The following BTBD16 variants were observed in gnomAD, a reference collection of about 807,000 sequenced individuals.
BTBD16 encodes BTB domain containing 16.
In BTBD16, 66 loss-of-function variants were observed where a neutral mutation model predicts 67.4. That is an observed-to-expected ratio of 0.98 (90% CI 0.80 to 1.20). The LOEUF is 1.20. Among genes scored for constraint, BTBD16 ranks in the 50% most tolerant of loss-of-function variants. BTBD16 has a pLI of 0.00. For synonymous variants in BTBD16, 242 were observed against 236.4 expected, an observed-to-expected ratio of 1.02 and a Z score of -0.22; for missense variants, 634 against 616.0, an observed-to-expected ratio of 1.03 and a Z score of -0.31.
intron 14 of BTBD16, among the ~76,000 whole-genome samples, chr10:122,336,100 C>A (rs2096462863): frequency 6.6e-6 from 1 of 152,168 alleles, no homozygotes; most frequent in African/African-American, 2.4e-5. Flanking sequence ...TTCCATGGGC[C>A]TCAGCTCTTG....
chr10:122,291,289 G>A, intron 7 of BTBD16, 95 bp downstream of exon 7: 1 of 1,453,450 alleles, frequency 6.9e-7, no homozygotes, highest in African/African-American at 1.4e-5. Flanking sequence ...CTCTTCATTG[G>A]GCTAAGACAC....
At chr10:122,280,348 G>A (rs1013461523) in intron 3 of BTBD16, among the ~76,000 whole-genome samples, 7 of 152,156 alleles carry the variant, frequency 4.6e-5, no homozygotes, top group African/African-American at 1.7e-4. Context: ...TCCAGCACGG[G>A]AGGTGTGTCT....
chr10:122,315,711 T>C (rs1324497209), intron 10 of BTBD16, among the ~76,000 whole-genome samples: 1 of 152,192 alleles, frequency 6.6e-6, no homozygotes, highest in East Asian at 1.9e-4. Context: ...TATGGGTCTT[T>C]TTGTGTCAAT....
chr10:122,322,924 A>G (rs1287226726), intron 10 of BTBD16, among the ~76,000 whole-genome samples: 1 of 152,120 alleles, frequency 6.6e-6, no homozygotes, highest in African/African-American at 2.4e-5. Context: ...AAATAAAATA[A>G]TTATTGGGAT....
At chr10:122,286,075 T>G (rs747855549) in intron 4 of BTBD16, 30 bp from the exon 5 acceptor site, 22 of 1,600,726 alleles carry the variant, frequency 1.4e-5, no homozygotes, top group Non-Finnish European at 1.8e-5. Context: ...GTTACTGATG[T>G]GTTTGCTCAG....
intron 7 of BTBD16, chr10:122,294,213 G>A (rs946331668): frequency 3.9e-5 from 38 of 985,458 alleles, no homozygotes; most frequent in Non-Finnish European, 4.5e-5. Flanking sequence ...GGCAGGGTGT[G>A]GCATCATAGG....
At chr10:122,282,567 G>T (rs996890051) in intron 3 of BTBD16, among the ~76,000 whole-genome samples, 6 of 152,236 alleles carry the variant, frequency 3.9e-5, no homozygotes, top group African/African-American at 1.2e-4. Context: ...CTCTTGGCTG[G>T]CTGGCTTTCT....
Position 122,299,058 on chromosome 10 carries a change from G to A in BTBD16, c.715G>A (p.Val239Ile), listed in dbSNP as rs751647214. 6.2e-7 allele frequency: 1 copy of A among 1,614,070 alleles called. No individual in the cohort carries two copies. The highest frequency in any genetic ancestry group is 1.3e-5 in the African/African-American group (1 of 75,028). Residue 239 changes from valine (V) to isoleucine (I), a missense_variant, in exon 9 of 16, where the codon GTT becomes ATT. Transcript: ENST00000260723. Reference protein sequence around the residue: ...GCEKWLEMNLVPLGGTQIHLH... With the variant: ...GCEKWLEMNLIPLGGTQIHLH... ...CGAGAAGTGGCTGGAAATGAACTTG[G>A]TTCCTCTAGGGGGGACGCAGATCCA...
chr10:122,333,498 G>A (rs950152415), intron 13 of BTBD16, among the ~76,000 whole-genome samples: 10 of 152,114 alleles, frequency 6.6e-5, no homozygotes, highest in African/African-American at 2.4e-4. Context: ...GGGAGACCAA[G>A]GAAAGGAGGG....
chr10:122,283,174 C>T (rs559921721), intron 3 of BTBD16, among the ~76,000 whole-genome samples: 2 of 152,292 alleles, frequency 1.3e-5, no homozygotes, highest in Admixed American at 6.5e-5. Context: ...GGCAGGCCTC[C>T]GAGCAGAGCA....
chr10:122,286,065 G>A (rs750530508), intron 4 of BTBD16, 40 bp from the exon 5 acceptor site: 35 of 1,575,018 alleles, frequency 2.2e-5, no homozygotes, highest in East Asian at 4.5e-5. Flanking sequence ...GGGTGGGGAC[G>A]TTACTGATGT....
At chr10:122,279,240 G>C (rs571696524) in intron 3 of BTBD16, among the ~76,000 whole-genome samples, 1 of 152,218 alleles carries the variant, frequency 6.6e-6, no homozygotes, top group South Asian at 2.1e-4. Flanking sequence ...TGCTTTGGGA[G>C]GTCTAGGTGG....
At chr10:122,275,550 C>T (rs1280048065) in intron 2 of BTBD16, among the ~76,000 whole-genome samples, 1 of 152,202 alleles carries the variant, frequency 6.6e-6, no homozygotes, top group Non-Finnish European at 1.5e-5. Flanking sequence ...CACATGAGAA[C>T]TGAGAGCCTC....
chr10:122,272,184 C>T (rs866981041), intron 1 of BTBD16, among the ~76,000 whole-genome samples: 1 of 152,210 alleles, frequency 6.6e-6, no homozygotes. Context: ...TCAAGGAAAA[C>T]ACACATTGCT....
intron 6 of BTBD16, among the ~76,000 whole-genome samples, chr10:122,290,733 A>G (rs2096372387): frequency 6.6e-6 from 1 of 152,248 alleles, no homozygotes; most frequent in South Asian, 2.1e-4. Flanking sequence ...AAAAAAATAC[A>G]CGACGTGCAC....
chr10:122,273,993 G>A (rs950663323), intron 1 of BTBD16, among the ~76,000 whole-genome samples: 7 of 152,202 alleles, frequency 4.6e-5, no homozygotes, highest in Non-Finnish European at 7.3e-5. Flanking sequence ...TCCATATGGC[G>A]ACTGCACAGG....
intron 10 of BTBD16, among the ~76,000 whole-genome samples, chr10:122,320,487 CT>C (rs1013015863): frequency 3.3e-5 from 5 of 151,772 alleles, no homozygotes; most frequent in African/African-American, 9.7e-5. Flanking sequence ...TGGTTTAAGA[CT>C]TTTTTTTCTA....
At chr10:122,295,261 G>A (rs1338810613) in intron 7 of BTBD16, 4 of 972,298 alleles carry the variant, frequency 4.1e-6, no homozygotes, top group Non-Finnish European at 4.9e-6. Context: ...ACTTCCAAGA[G>A]GAGGTGGTGC....
At chr10:122,283,447 TG>T (rs1306907671) in intron 3 of BTBD16, among the ~76,000 whole-genome samples, 1 of 152,204 alleles carries the variant, frequency 6.6e-6, no homozygotes, top group African/African-American at 2.4e-5. Context: ...GGGACCTGTA[TG>T]ACCTCTAAAG....
Sources: allele counts gnomAD v4.1 joint callset (sites outside exome capture counted in the v4.1 genomes callset), GRCh38; gene constraint gnomAD v4.1.1; transcripts MANE v1.5; gene names NCBI Gene and HGNC (gene_info 2026-07-23, HGNC 2026-07-21).